The following MTCL2 variants were observed in gnomAD, a reference collection of about 807,000 sequenced individuals.
The protein encoded by MTCL2 is microtubule cross-linking factor 2.
the MTCL2 span, chr20:36,780,970 G>T: frequency 2.0e-5 from 3 of 152,124 alleles, no homozygotes; most frequent in Non-Finnish European, 4.4e-5. Context: ...AAATCCTGAT[G>T]TGTTTCTCTT....
chr20:36,811,538 G>C, the MTCL2 span, among the ~76,000 whole-genome samples: 1 of 151,760 alleles, frequency 6.6e-6, no homozygotes, highest in Non-Finnish European at 1.5e-5. Context: ...GCTGAGGCTC[G>C]AGATTCGCTT....
At chr20:36,815,282 C>T in the MTCL2 span, 1 of 1,613,998 alleles carries the variant, frequency 6.2e-7, no homozygotes, top group Non-Finnish European at 8.5e-7. This position sits in a 1 kb window ranked among gnomAD's most constrained non-coding sequence, Gnocchi z 5.3. Flanking sequence ...GCTCCTGCTG[C>T]AGCACGCTCA....
the MTCL2 span, chr20:36,862,890 G>C: frequency 4.8e-6 from 6 of 1,243,780 alleles, no homozygotes; most frequent in South Asian, 1.5e-4. Context: ...ACGGACCCCC[G>C]CCGGGCCCCC....
chr20:36,793,186 A>G, the MTCL2 span: 5 of 1,468,388 alleles, frequency 3.4e-6, no homozygotes, highest in African/African-American at 7.1e-5. The surrounding 1 kb of genome is among the most constrained non-coding windows in gnomAD (Gnocchi z 6.8). Context: ...AAAAACCAAA[A>G]GAGCTTGGAC....
chr20:36,809,900 G>A, the MTCL2 span: 1 of 1,494,894 alleles, frequency 6.7e-7, no homozygotes. Context: ...ACTTCAGAGG[G>A]CCCATAGATC....
the MTCL2 span, chr20:36,812,763 C>A: frequency 6.2e-7 from 1 of 1,613,960 alleles, no homozygotes; most frequent in Non-Finnish European, 8.5e-7. Context: ...CGGCTGGGGT[C>A]GGGCTTAGAG....
chr20:36,835,755 AG>A, the MTCL2 span, among the ~76,000 whole-genome samples: 1 of 152,030 alleles, frequency 6.6e-6, no homozygotes, highest in South Asian at 2.1e-4. Context: ...GAAGGGCAAG[AG>A]GGATGCTGAT....
chr20:36,828,807 T>G, the MTCL2 span: 3 of 454,688 alleles, frequency 6.6e-6, no homozygotes, highest in East Asian at 4.0e-5. Flanking sequence ...CATTACCCCG[T>G]GAGCTCCCTG....
chr20:36,862,726 G>A, the MTCL2 span: 3 of 1,496,708 alleles, frequency 2.0e-6, no homozygotes, highest in Non-Finnish European at 2.7e-6. Context: ...CCGCAGTCCA[G>A]CATCTCCTCG....
the MTCL2 span, among the ~76,000 whole-genome samples, chr20:36,853,730 TGTGTG>T: frequency 1.3e-5 from 2 of 151,822 alleles, no homozygotes; most frequent in Non-Finnish European, 2.9e-5. Flanking sequence ...TGTGTGTGTG[TGTGTG>T]TGTGTGTGGT....
At chr20:36,780,161 G>A in the MTCL2 span, 1 of 152,012 alleles carries the variant, frequency 6.6e-6, no homozygotes, top group Admixed American at 6.6e-5. Context: ...TGCCTTCTCT[G>A]GGCCTGATTC....
the MTCL2 span, among the ~76,000 whole-genome samples, chr20:36,851,631 C>A: frequency 6.6e-6 from 1 of 152,368 alleles, no homozygotes; most frequent in East Asian, 1.9e-4. Flanking sequence ...CTCTGAGAAG[C>A]CTTCCATGCT....
At chr20:36,785,190 T>C in the MTCL2 span, 1,049 of 985,342 alleles carry the variant, frequency 1.1e-3, 9 homozygotes, top group African/African-American at 0.017. Flanking sequence ...TCCAGCTCTG[T>C]TGAGGGGCCC....
chr20:36,778,039 C>T, the MTCL2 span: 1 of 464,962 alleles, frequency 2.2e-6, no homozygotes, highest in Non-Finnish European at 3.8e-6. Flanking sequence ...CTCCCCAGGA[C>T]TCCCACCCCC....
At chr20:36,862,958 C>G in the MTCL2 span, 1 of 1,404,256 alleles carries the variant, frequency 7.1e-7, no homozygotes, top group South Asian at 1.3e-5. Context: ...GGCGCGCCTC[C>G]TCCGACGCGC....
chr20:36,813,313 TAAAAAAAAA>T, the MTCL2 span, among the ~76,000 whole-genome samples: 32 of 41,900 alleles, frequency 7.6e-4, 2 homozygotes, highest in South Asian at 1.8e-3. Context: ...ACTGTTTCTT[TAAAAAAAAA>T]AAAAAAAAAA....
chr20:36,848,909 C>A, the MTCL2 span, among the ~76,000 whole-genome samples: 1 of 151,908 alleles, frequency 6.6e-6, no homozygotes, highest in Non-Finnish European at 1.5e-5. Flanking sequence ...ACAGTTGCTG[C>A]AAAAATGTCA....
chr20:36,811,639 A>C, the MTCL2 span, among the ~76,000 whole-genome samples: 3 of 152,030 alleles, frequency 2.0e-5, no homozygotes, highest in Non-Finnish European at 2.9e-5. Context: ...AAAAAAAAAA[A>C]AACAAAAAAA....
At chr20:36,852,361 G>A in the MTCL2 span, among the ~76,000 whole-genome samples, 1 of 152,192 alleles carries the variant, frequency 6.6e-6, no homozygotes, top group Non-Finnish European at 1.5e-5. Context: ...GAGTGGGCCG[G>A]CAGTGGCCAC....
Sources: gnomAD v4.1 joint callset for allele counts (sites outside exome capture counted in the v4.1 genomes callset) on GRCh38, gnomAD v4.1.1 for gene constraint, Gnocchi (gnomAD v3.1) non-coding constraint, MANE v1.5 for transcripts, NCBI Gene and HGNC (gene_info 2026-07-23, HGNC 2026-07-21) for gene names.